Variants in SCN1A observed in about 807,000 individuals in gnomAD.
The protein encoded by SCN1A is sodium channel protein type 1 subunit alpha.
A neutral mutation model predicts 193.7 loss-of-function variants in SCN1A; 13 were observed. That is an observed-to-expected ratio of 0.07 (90% confidence interval 0.04 to 0.11). SCN1A has a LOEUF of 0.11. Ranked by LOEUF, SCN1A falls within the 10% of genes least tolerant of loss-of-function variation. SCN1A has a pLI of 1.00. For synonymous variants in SCN1A, 781 were observed against 843.6 expected, an observed-to-expected ratio of 0.93 and a Z score of 1.29; for missense variants, 1,432 against 2,451.1, an observed-to-expected ratio of 0.58 and a Z score of 8.78.
chr2:166,010,192 T>A (rs1692244889), intron 22 of SCN1A, among the ~76,000 whole-genome samples: 1 of 151,126 alleles, frequency 6.6e-6, no homozygotes, highest in African/African-American at 2.4e-5. Flanking sequence ...AAGTTGCTGT[T>A]GAATTTAAGG....
At chr2:166,066,502 A>C (rs1032343935) in intron 4 of SCN1A, among the ~76,000 whole-genome samples, 1 of 152,178 alleles carries the variant, frequency 6.6e-6, no homozygotes, top group Admixed American at 6.5e-5. Context: ...CTAAAGTGTC[A>C]ATAAAAATAT....
intron 1 of SCN1A, among the ~76,000 whole-genome samples, chr2:166,141,014 G>C (rs990125759): frequency 6.6e-6 from 1 of 151,982 alleles, no homozygotes; most frequent in Non-Finnish European, 1.5e-5. Context: ...TGTGCACATT[G>C]GTGTTTGAGA....
chr2:166,045,630 G>A lies in SCN1A; in HGVS notation c.1378-303C>T, dbSNP rs562135895. 2.6e-4 allele frequency among the ~76,000 whole-genome samples: 40 copies of A among 152,010 alleles called. No homozygotes were observed. The East Asian group carries it at 5.8e-3, about 22-fold the overall frequency. On this transcript the variant is annotated intron_variant, in intron 12 of 28. Transcript: ENST00000674923. The stretch of plus-strand genomic sequence containing the variant: ...AAGAAAATAAATTCATTACTTTTTG[G>A]GATTTGATTTACTTTAAAAATTGGT...
intron 19 of SCN1A, among the ~76,000 whole-genome samples, chr2:166,035,499 A>G (rs1696210128): frequency 6.6e-6 from 1 of 152,200 alleles, no homozygotes; most frequent in African/African-American, 2.4e-5. Context: ...CAGGCAATAT[A>G]ATGCATGTAT....
At chr2:165,993,369 C>G (rs1189439109) in intron 28 of SCN1A, 1 of 152,020 alleles carries the variant, frequency 6.6e-6, no homozygotes, top group African/African-American at 2.4e-5. Flanking sequence ...GCATGAAAAT[C>G]TGTCCAACAC....
intron 25 of SCN1A, chr2:165,999,153 A>G (rs1160352391): frequency 6.6e-6 from 1 of 151,792 alleles, no homozygotes; most frequent in African/African-American, 2.4e-5. Flanking sequence ...TTTTGGTGAT[A>G]TACACTTAAA....
At chr2:166,108,209 C>T (rs1345066845) in intron 2 of SCN1A, among the ~76,000 whole-genome samples, 1 of 151,868 alleles carries the variant, frequency 6.6e-6, no homozygotes. Flanking sequence ...AGATGCTCAA[C>T]ATCATTAATC....
Position 166,046,879 on chromosome 2 carries a change from G to T in SCN1A, c.1268C>A (p.Ala423Asp). ...CTGATTCTGTTCCTCGTAGGCCATG[G>T]CCACCACAGCCAGGATCAAATTTAT... ...YLINLILAVV[A>D]MAYEEQNQAT... Residue 423 changes from alanine to aspartate, a missense_variant, in exon 12 of 29, where the codon GCC becomes GAC. Ala to Asp is a moderately radical substitution (Grantham distance 126). Around this residue, in one of 18 missense-constraint regions of SCN1A, gnomAD observed 58 missense variants for 103.4 expected, o/e 0.56. Coordinates refer to ENST00000674923, the MANE Select transcript of SCN1A (RefSeq NM_001165963.4). 6.2e-7 allele frequency: 1 copy of T among 1,613,914 alleles called. No homozygotes were observed. Among genetic ancestry groups the T allele is most frequent in the Non-Finnish European group, 8.5e-7 (1 of 1,179,900 alleles).
At chr2:166,062,322 A>C (rs1683393618) in intron 4 of SCN1A, among the ~76,000 whole-genome samples, 1 of 152,158 alleles carries the variant, frequency 6.6e-6, no homozygotes, top group Admixed American at 6.6e-5. Context: ...TAAATATGAT[A>C]GCACTTTCAT....
At chr2:166,063,507 C>G (rs1481665421) in intron 4 of SCN1A, among the ~76,000 whole-genome samples, 1 of 151,956 alleles carries the variant, frequency 6.6e-6, no homozygotes, top group Non-Finnish European at 1.5e-5. Flanking sequence ...TTGCAATGCC[C>G]TGTGCTACAT....
At chr2:166,049,013 A>C in intron 9 of SCN1A, 64 bp from the exon 10 acceptor site, 1 of 979,886 alleles carries the variant, frequency 1.0e-6, no homozygotes. Flanking sequence ...AAATGAGAAC[A>C]GGAAGGTCAG....
At chr2:166,088,134 A>T (rs1240407350) in intron 2 of SCN1A, among the ~76,000 whole-genome samples, 1 of 152,032 alleles carries the variant, frequency 6.6e-6, no homozygotes, top group African/African-American at 2.4e-5. Context: ...AACCATTTTT[A>T]AAATAATTGG....
intron 2 of SCN1A, among the ~76,000 whole-genome samples, chr2:166,106,688 G>C (rs1332331730): frequency 1.3e-5 from 2 of 152,170 alleles, no homozygotes; most frequent in Non-Finnish European, 2.9e-5. Flanking sequence ...TGCCCCATCT[G>C]GGCATGTGGC....
At chr2:166,049,162 T>G (rs1160609057) in intron 9 of SCN1A, among the ~76,000 whole-genome samples, 2 of 88,022 alleles carry the variant, frequency 2.3e-5, no homozygotes, top group Non-Finnish European at 6.3e-5. Flanking sequence ...TATGAAGAAA[T>G]GACATTAGAT....
chr2:166,111,761 T>C (rs746858998), intron 2 of SCN1A, among the ~76,000 whole-genome samples: 1 of 152,096 alleles, frequency 6.6e-6, no homozygotes, highest in Non-Finnish European at 1.5e-5. Context: ...AAAATATCCA[T>C]ATGAACAGGA....
intron 4 of SCN1A, among the ~76,000 whole-genome samples, chr2:166,070,627 A>G (rs1684314797): frequency 6.6e-6 from 1 of 152,172 alleles, no homozygotes; most frequent in Non-Finnish European, 1.5e-5. Flanking sequence ...GTATTTTGAA[A>G]ATGTTTGCAC....
At chr2:166,076,499 G>T (rs1684996918) in intron 3 of SCN1A, among the ~76,000 whole-genome samples, 1 of 150,394 alleles carries the variant, frequency 6.6e-6, no homozygotes, top group Non-Finnish European at 1.5e-5. Flanking sequence ...TTTAATTTCT[G>T]TCAAAATCCC....
Position 166,115,358 on chromosome 2 carries a change from G to A in SCN1A, c.-142+11566C>T, listed in dbSNP as rs145041168. On this transcript the variant is annotated intron_variant, in intron 2 of 28. Transcript: ENST00000674923. The stretch of plus-strand genomic sequence containing the variant: ...GCCTGGGAAACAAGAGCGAAACTCC[G>A]TCTAAAACAAACAAACAAAAAAGAA... Among the ~76,000 whole-genome samples, 366 of 152,110 alleles carry A rather than the reference G, an allele frequency of 2.4e-3. 1 individual carries two copies. Among genetic ancestry groups the A allele is most frequent in the African/African-American group, 8.1e-3 (335 of 41,518 alleles).
At chr2:166,081,040 C>A (rs1366742699) in intron 2 of SCN1A, among the ~76,000 whole-genome samples, 2 of 141,942 alleles carry the variant, frequency 1.4e-5, no homozygotes, top group African/African-American at 5.1e-5. Flanking sequence ...CATTATATAT[C>A]TCTGTTTCCC....
Sources: gnomAD v4.1 joint callset for allele counts (sites outside exome capture counted in the v4.1 genomes callset) on GRCh38, gnomAD v4.1.1 for gene constraint, gnomAD v4.1.1 regional missense constraint, MANE v1.5 for transcripts, NCBI Gene and HGNC (gene_info 2026-07-23, HGNC 2026-07-21) for gene names.